The following PRIM2 variants were observed in gnomAD, a reference collection of about 807,000 sequenced individuals.
PRIM2 encodes the protein DNA primase subunit 2.
In PRIM2, 39 loss-of-function variants were observed where a neutral mutation model predicts 67.3. The observed-to-expected ratio is 0.58, with a 90% CI of 0.45 to 0.76. PRIM2 has a LOEUF of 0.76. PRIM2 is among the 30% of genes least tolerant of loss of function. The probability of loss-of-function intolerance (pLI) is 0.00; values close to 1 mark genes in which losing one functional copy is unlikely to be tolerated. For missense variants in PRIM2, 398 were observed against 598.7 expected (o/e 0.66, Z 3.50); for synonymous variants, 143 against 198.7 (o/e 0.72, Z 2.36).
At chr6:57,312,046 G>C (rs187314324), upstream of PRIM2, among the ~76,000 whole-genome samples, 2 of 37,524 alleles carry the variant, frequency 5.3e-5, no homozygotes, top group Admixed American at 3.7e-4. Flanking sequence ...AGAGGGGAGA[G>C]GGGAGAGGGG....
At chr6:57,322,069 G>A (rs967979707) in intron 3 of PRIM2, among the ~76,000 whole-genome samples, 1 of 152,090 alleles carries the variant, frequency 6.6e-6, no homozygotes, top group Admixed American at 6.5e-5. Flanking sequence ...AAGGTGGAGC[G>A]GTGGATATAG....
At chr6:57,387,513 T>A (rs1770191616) in intron 7 of PRIM2, among the ~76,000 whole-genome samples, 1 of 152,088 alleles carries the variant, frequency 6.6e-6, no homozygotes. Flanking sequence ...TTTCTGATTG[T>A]AATTCTTAGG....
intron 7 of PRIM2, among the ~76,000 whole-genome samples, chr6:57,499,257 C>T (rs1562777231): frequency 6.6e-6 from 1 of 152,206 alleles, no homozygotes. Context: ...TATCTCTAAT[C>T]TCCCATTCCT....
chr6:57,614,394 G>GTA (rs1362431929), intron 12 of PRIM2, among the ~76,000 whole-genome samples: 1 of 152,118 alleles, frequency 6.6e-6, no homozygotes, highest in Non-Finnish European at 1.5e-5. Flanking sequence ...ATGGTCTGAA[G>GTA]TAAAAGCCGT....
the PRIM2 span, among the ~76,000 whole-genome samples, chr6:57,263,589 C>T: frequency 2.0e-5 from 3 of 152,194 alleles, no homozygotes; most frequent in African/African-American, 7.2e-5. Context: ...TTGATTATAT[C>T]TGCAAAGGCC....
chr6:57,595,277 T>TAA (rs1776346029), intron 10 of PRIM2, among the ~76,000 whole-genome samples: 1 of 152,138 alleles, frequency 6.6e-6, no homozygotes, highest in Non-Finnish European at 1.5e-5. Flanking sequence ...CATGGCCACT[T>TAA]GATTGAGAAT....
intron 7 of PRIM2, among the ~76,000 whole-genome samples, chr6:57,424,196 T>G (rs2127374054): frequency 6.6e-6 from 1 of 152,264 alleles, no homozygotes; most frequent in East Asian, 1.9e-4. Flanking sequence ...TTTTTCAGTG[T>G]TAGCTGTCTG....
At chr6:57,638,282 G>C (rs1158983129) in intron 13 of PRIM2, among the ~76,000 whole-genome samples, 2 of 152,086 alleles carry the variant, frequency 1.3e-5, no homozygotes, top group African/African-American at 4.8e-5. Flanking sequence ...ACTGGTACCA[G>C]CAACTGCAAA....
At chr6:57,612,813 T>C (rs1179693087) in intron 12 of PRIM2, among the ~76,000 whole-genome samples, 2 of 139,420 alleles carry the variant, frequency 1.4e-5, no homozygotes, top group African/African-American at 5.4e-5. Flanking sequence ...TTTTTTTAAA[T>C]AGACAGGGTC....
chr6:57,640,390 A>C (rs1193752285), intron 13 of PRIM2, among the ~76,000 whole-genome samples: 1 of 152,206 alleles, frequency 6.6e-6, no homozygotes, highest in Non-Finnish European at 1.5e-5. Flanking sequence ...TAGCCAGGGC[A>C]ATCAGGCAAG....
intron 7 of PRIM2, among the ~76,000 whole-genome samples, chr6:57,502,304 T>C (rs1392616581): frequency 1.3e-5 from 2 of 152,078 alleles, no homozygotes; most frequent in East Asian, 1.9e-4. Context: ...ATCCCTGATA[T>C]CAACCAACCA....
At chr6:57,514,855 A>AC (rs1359428698) in intron 8 of PRIM2, among the ~76,000 whole-genome samples, 5 of 151,558 alleles carry the variant, frequency 3.3e-5, no homozygotes, top group South Asian at 4.2e-4. Context: ...TATAAACAGT[A>AC]CCCCCCTCCC....
chr6:57,247,222 A>G, the PRIM2 span, among the ~76,000 whole-genome samples: 7 of 152,118 alleles, frequency 4.6e-5, no homozygotes, highest in Non-Finnish European at 7.4e-5. Flanking sequence ...CTGGGCAACT[A>G]GGTTTATCCC....
the PRIM2 span, among the ~76,000 whole-genome samples, chr6:57,284,996 T>C: frequency 1.3e-5 from 2 of 152,064 alleles, no homozygotes; most frequent in Non-Finnish European, 2.9e-5. Context: ...TATAAACACC[T>C]CTATGCAAAT....
At chr6:57,542,097 C>T (rs1435758873) in intron 10 of PRIM2, among the ~76,000 whole-genome samples, 2 of 151,850 alleles carry the variant, frequency 1.3e-5, no homozygotes, top group Non-Finnish European at 2.9e-5. Context: ...CTGCCTCAGC[C>T]TCCCAAGTAG....
chr6:57,362,431 G>T (rs974401366), intron 5 of PRIM2, among the ~76,000 whole-genome samples: 2 of 152,092 alleles, frequency 1.3e-5, no homozygotes, highest in African/African-American at 4.8e-5. Context: ...TTGACTCAAA[G>T]CAAGTTTCTC....
chr6:57,503,400 A>C (rs1774180187), intron 7 of PRIM2, among the ~76,000 whole-genome samples: 1 of 152,168 alleles, frequency 6.6e-6, no homozygotes, highest in East Asian at 1.9e-4. Flanking sequence ...TATTTCTAAC[A>C]ATCATTTAGT....
upstream of PRIM2, among the ~76,000 whole-genome samples, chr6:57,310,744 G>T (rs979782255): frequency 6.9e-6 from 1 of 143,900 alleles, no homozygotes; most frequent in Admixed American, 7.0e-5. Context: ...TTCCCAGACG[G>T]GGTGGCCAGG....
Position 57,366,053 on chromosome 6 carries a change from A to G in PRIM2, c.460-13848A>G, listed in dbSNP as rs560333802. Among the ~76,000 whole-genome samples the G allele has an allele frequency of 1.7e-4, 26 of 151,914 alleles. No homozygotes were observed. In the Middle Eastern group the frequency reaches 0.014, roughly 79 times the overall value. On this transcript the variant is annotated intron_variant, in intron 5 of 13. Coordinates refer to ENST00000615550, the MANE Select transcript of PRIM2 (RefSeq NM_000947.5). Reference sequence around the variant, plus strand: ...TAGTGAGGGAGATATAAATGCTTATAGTATTGTACATAAATAATATAAAAA... The same window carrying G: ...TAGTGAGGGAGATATAAATGCTTATGGTATTGTACATAAATAATATAAAAA...
Sources: allele counts gnomAD v4.1 joint callset (sites outside exome capture counted in the v4.1 genomes callset), GRCh38; gene constraint gnomAD v4.1.1; transcripts MANE v1.5; gene names NCBI Gene and HGNC (gene_info 2026-07-23, HGNC 2026-07-21).